The following FDPS variants were observed in gnomAD, a reference collection of about 807,000 sequenced individuals.
FDPS encodes farnesyl pyrophosphate synthase.
Under a neutral mutation model 49.5 loss-of-function variants are expected in FDPS, and 29 were observed. That is an observed-to-expected ratio of 0.59 (90% CI 0.44 to 0.80). The LOEUF is 0.80. Ranked by LOEUF, FDPS falls within the 30% of genes least tolerant of loss-of-function variation. FDPS has a pLI of 0.00. For missense variants in FDPS, 414 were observed against 525.6 expected (o/e 0.79, Z 2.08); for synonymous variants, 172 against 206.4 (o/e 0.83, Z 1.43).
intron 1 of FDPS, 40 bp downstream of exon 1, chr1:155,309,005 C>G (rs1648499478): frequency 6.6e-6 from 1 of 152,382 alleles, no homozygotes; most frequent in South Asian, 2.1e-4. Flanking sequence ...GGAAGGGGGC[C>G]GAGACCGGGC....
At position 155,318,232 on chromosome 1, in the gene FDPS, C is replaced by G; in HGVS notation, c.625C>G (p.Leu209Val). 1 of 1,614,040 alleles carries G rather than the reference C, an allele frequency of 6.2e-7. No homozygotes were observed. The change falls in exon 6 of 11, where the codon CTG becomes GTG. Residue 209 changes from leucine to valine, a missense_variant. Transcript: ENST00000368356. This position sits in a 1 kb window ranked among gnomAD's most constrained non-coding sequence, Gnocchi z 4.2. ...CCTGGAAGCATGTATCTACCGCCTG[C>G]TGAAGCTCTATTGCCGGGAGCAGCC... ...NLLEACIYRL[L>V]KLYCREQPYY...
At chr1:155,311,265 G>T (rs1648772349) in intron 3 of FDPS, among the ~76,000 whole-genome samples, 1 of 152,206 alleles carries the variant, frequency 6.6e-6, no homozygotes, top group South Asian at 2.1e-4. Context: ...CTTGAACCTG[G>T]GAGGCGGAGG....
In FDPS at chr1:155,319,892, G is replaced by A; in HGVS notation, c.1023G>A (p.Leu341=). The A allele has an allele frequency of 6.2e-7, 1 of 1,614,174 alleles. No homozygotes were observed. Among genetic ancestry groups the A allele is most frequent in the Non-Finnish European group, 8.5e-7 (1 of 1,180,032 alleles). ...NKCSWLVVQC[L]QRATPEQYQI... ...GCAGCTGGCTGGTGGTTCAGTGTCT[G>A]CAACGGGCCACTCCAGAACAGTACC... is the stretch of plus-strand genomic sequence containing the variant. The change falls in exon 10 of 11, where the codon CTG becomes CTA. Residue 341 remains leucine (L), a synonymous_variant. Coordinates refer to ENST00000368356, the MANE Select transcript of FDPS (RefSeq NM_002004.4).
At chr1:155,309,662 C>A in intron 1 of FDPS, 127 bp from the exon 2 acceptor site, 1 of 826,826 alleles carries the variant, frequency 1.2e-6, no homozygotes, top group Non-Finnish European at 1.8e-6. Context: ...GCACATTCCA[C>A]AAGAGGGAGG....
At position 155,318,311 on chromosome 1, in the gene FDPS, C is replaced by A; in HGVS notation, c.684+20C>A. 1 of 1,607,298 alleles carries A rather than the reference C, an allele frequency of 6.2e-7. No individual in the cohort carries two copies. On this transcript the variant is annotated intron_variant, in intron 6 of 10. Transcript: ENST00000368356. This position sits in a 1 kb window ranked among gnomAD's most constrained non-coding sequence, Gnocchi z 4.2. Reference sequence around the variant, plus strand: ...CTGCAGGTGTATTGCAGACAGGGCCCGATGCCCAGAGGGTGCCCATGGTAG... The same window carrying A: ...CTGCAGGTGTATTGCAGACAGGGCCAGATGCCCAGAGGGTGCCCATGGTAG...
At chr1:155,319,731 C>T (rs762294350) in intron 9 of FDPS, 43 bp downstream of exon 9, 21 of 1,613,930 alleles carry the variant, frequency 1.3e-5, no homozygotes, top group Non-Finnish European at 1.6e-5. Flanking sequence ...GCACCAGCTT[C>T]ACTCCTCCTC....
chr1:155,317,890 T>C, intron 4 of FDPS, 51 bp from the exon 5 acceptor site: 1 of 1,521,828 alleles, frequency 6.6e-7, no homozygotes, highest in Non-Finnish European at 9.1e-7. Flanking sequence ...CTGTTGCTGA[T>C]AGAAGGAACA....
intron 3 of FDPS, among the ~76,000 whole-genome samples, chr1:155,310,833 T>G (rs1648725891): frequency 6.6e-6 from 1 of 152,188 alleles, no homozygotes; most frequent in Non-Finnish European, 1.5e-5. Flanking sequence ...GAAGGCAGTC[T>G]GATATTGTCC....
chr1:155,320,180 T>A, intron 10 of FDPS: 1 of 643,832 alleles, frequency 1.6e-6, no homozygotes, highest in Non-Finnish European at 2.7e-6. Flanking sequence ...ATTTCAATAG[T>A]GCCAAGGTGG....
intron 4 of FDPS, 59 bp from the exon 5 acceptor site, chr1:155,317,882 G>T (rs775045418): frequency 9.8e-5 from 145 of 1,478,490 alleles, no homozygotes; most frequent in Non-Finnish European, 1.3e-4. Context: ...TAGCAGCTCT[G>T]TTGCTGATAG....
intron 4 of FDPS, 107 bp from the exon 5 acceptor site, chr1:155,317,834 C>A (rs930411922): frequency 1.2e-6 from 1 of 840,928 alleles, no homozygotes; most frequent in Non-Finnish European, 1.9e-6. Context: ...GACTCTGTCC[C>A]CTACCAAAAA....
chr1:155,320,497 A>G lies in FDPS; in HGVS notation c.1148A>G (p.Tyr383Cys). 2.5e-6 allele frequency: 4 copies of G among 1,614,034 alleles called. No individual in the cohort carries two copies. The highest frequency in any genetic ancestry group is 2.5e-6 in the Non-Finnish European group (3 of 1,180,030). Residue 383 changes from tyrosine to cysteine, a missense_variant, in exon 11 of 11, where the codon TAT becomes TGT. Coordinates refer to ENST00000368356, the MANE Select transcript of FDPS (RefSeq NM_002004.4). The stretch of plus-strand genomic sequence containing the variant: ...GATCTGCCAGCAGTGTTCTTGCAAT[A>G]TGAGGAAGACAGTTACAGCCACATT... ...ELDLPAVFLQYEEDSYSHIMA... is the reference protein window; with the variant it reads ...ELDLPAVFLQCEEDSYSHIMA...
Position 155,318,635 on chromosome 1 carries a change from T to C in FDPS, c.685-30T>C. 6.5e-7 allele frequency: 1 copy of C among 1,539,780 alleles called. No individual in the cohort carries two copies. Among genetic ancestry groups the C allele is most frequent in the Non-Finnish European group, 9.0e-7 (1 of 1,112,420 alleles). ...GGGTTTCGCATATCTGGAGAAAGCC[T>C]GGCTCATGGACCGTCTTTGTCTTGC... is the stretch of plus-strand genomic sequence containing the variant. On this transcript the variant is annotated intron_variant, in intron 6 of 10. Coordinates refer to ENST00000368356, the MANE Select transcript of FDPS (RefSeq NM_002004.4). The surrounding 1 kb of genome is among the most constrained non-coding windows in gnomAD (Gnocchi z 4.2).
intron 3 of FDPS, among the ~76,000 whole-genome samples, chr1:155,312,048 C>T (rs1553233444): frequency 6.6e-6 from 1 of 151,980 alleles, no homozygotes; most frequent in Non-Finnish European, 1.5e-5. Context: ...AAAGAATGTG[C>T]CTGGGTACTG....
At chr1:155,311,999 TAAAAAC>T (rs1557974632) in intron 3 of FDPS, among the ~76,000 whole-genome samples, 1 of 151,730 alleles carries the variant, frequency 6.6e-6, no homozygotes, top group African/African-American at 2.4e-5. Context: ...AATAAATAAA[TAAAAAC>T]AAAAAATAAA....
intron 3 of FDPS, among the ~76,000 whole-genome samples, chr1:155,311,771 G>A (rs1572079196): frequency 1.3e-5 from 2 of 152,116 alleles, no homozygotes; most frequent in East Asian, 3.9e-4. Context: ...TCAGTAGTTC[G>A]AAACCAGCCT....
intron 4 of FDPS, among the ~76,000 whole-genome samples, chr1:155,313,559 G>A (rs917161236): frequency 1.3e-5 from 2 of 152,196 alleles, no homozygotes; most frequent in Non-Finnish European, 2.9e-5. Context: ...TGCCTGTCCT[G>A]TGGGCGGTGG....
Position 155,310,032 on chromosome 1 carries a change from C to G in FDPS, c.177-11C>G. On this transcript the variant is annotated splice_polypyrimidine_tract_variant and intron_variant, in intron 2 of 10. Transcript: ENST00000368356. ...CTGATCAGGTTTCTGACTTGTTTTT[C>G]TTCTACTTAGAGCCCTTTGCTCCTC... is the stretch of plus-strand genomic sequence containing the variant. The G allele has an allele frequency of 6.2e-7, 1 of 1,612,972 alleles. No individual in the cohort carries two copies. Among genetic ancestry groups the G allele is most frequent in the African/African-American group, 1.3e-5 (1 of 74,994 alleles).
Position 155,318,571 on chromosome 1 carries a change from A to T in FDPS, c.685-94A>T, listed in dbSNP as rs1192765970. 9.7e-7 allele frequency: 1 copy of T among 1,026,240 alleles called. No individual in the cohort carries two copies. The highest frequency in any genetic ancestry group is 1.3e-5 in the South Asian group (1 of 75,658). The allele number at this position is 1,026,240 out of a possible 1,614,324, so 63.6% of individuals were successfully genotyped here. A position where few individuals can be genotyped will look rare whatever the true frequency, so the allele number is the denominator to read the frequency against. ...TTCTGTTGCCTTTCTGATTCTGCCC[A>T]GTTGTCAGCTGGTATGGGATGTTGG... On this transcript the variant is annotated intron_variant, in intron 6 of 10. Coordinates refer to ENST00000368356, the MANE Select transcript of FDPS (RefSeq NM_002004.4). The surrounding 1 kb of genome is among the most constrained non-coding windows in gnomAD (Gnocchi z 4.2).
Sources: allele counts gnomAD v4.1 joint callset (sites outside exome capture counted in the v4.1 genomes callset), GRCh38; gene constraint gnomAD v4.1.1; non-coding constraint Gnocchi (gnomAD v3.1); transcripts MANE v1.5; gene names NCBI Gene and HGNC (gene_info 2026-07-23, HGNC 2026-07-21).